The following ME1 variants were observed in gnomAD, a reference collection of about 807,000 sequenced individuals.
ME1 encodes NADP-dependent malic enzyme.
A neutral mutation model predicts 66.4 loss-of-function variants in ME1; 74 were observed. The ratio of observed to expected loss-of-function variants is 1.11; its 90% CI spans 0.92 to 1.35. The LOEUF (loss-of-function observed/expected upper bound fraction) is 1.35, where lower values mean the gene tolerates loss of function less well. Among genes scored for constraint, ME1 ranks in the 40% most tolerant of loss-of-function variants. The pLI is 0.00. For synonymous variants in ME1, 251 were observed against 235.6 expected (o/e 1.07, Z -0.60); for missense variants, 750 against 694.1 (o/e 1.08, Z -0.90).
In ME1 at chr6:83,216,387, T is replaced by A. The variant is rs1345386557; in HGVS notation, c.1548+111A>T. 10 of 779,648 alleles carry A rather than the reference T, an allele frequency of 1.3e-5. No homozygotes were observed. The Admixed American group carries it at 1.9e-4, about 15-fold the overall frequency. The allele number at this position is 779,648 out of a possible 1,614,324, so 48.3% of individuals were successfully genotyped here. On this transcript the variant is annotated intron_variant, in intron 13 of 13. Transcript: ENST00000369705. ...CTCATTTCTCTGACTTCTGACATAG[T>A]AAGTTGATACAGATATACATTTCAA...
intron 6 of ME1, among the ~76,000 whole-genome samples, chr6:83,301,072 G>C (rs1767706246): frequency 6.6e-6 from 1 of 152,110 alleles, no homozygotes; most frequent in Non-Finnish European, 1.5e-5. Context: ...GGGAGGGATA[G>C]CATTAGGAGA....
chr6:83,303,093 T>C lies in ME1; in HGVS notation c.704+12217A>G, dbSNP rs574094324. ...TTTAATAATGAATCTGATCTTGAGA[T>C]AAATGCACAGGACAATAATGGGGTC... On this transcript the variant is annotated intron_variant, in intron 6 of 13. Coordinates refer to ENST00000369705, the MANE Select transcript of ME1 (RefSeq NM_002395.6). Among the ~76,000 whole-genome samples the C allele has an allele frequency of 2.6e-5, 4 of 152,258 alleles. No homozygotes were observed. The East Asian group carries it at 5.8e-4, about 22-fold the overall frequency.
At chr6:83,238,476 C>T (rs1402661339) in intron 8 of ME1, among the ~76,000 whole-genome samples, 1 of 152,058 alleles carries the variant, frequency 6.6e-6, no homozygotes, top group Non-Finnish European at 1.5e-5. Context: ...TGGCCTGTGC[C>T]ATTCATCAAA....
Position 83,231,087 on chromosome 6 carries a change from G to A in ME1, c.1027-2156C>T, listed in dbSNP as rs568490752. Among the ~76,000 whole-genome samples, 7 of 152,212 alleles carry A rather than the reference G, an allele frequency of 4.6e-5. No homozygotes were observed. In the East Asian group the frequency reaches 5.8e-4, roughly 13 times the overall value. On this transcript the variant is annotated intron_variant, in intron 9 of 13. Transcript: ENST00000369705. ...ATGAGTCTAAAGAAGAAAAGCTATA[G>A]AATAAGATAAATTGGAAGTCACAGC...
At chr6:83,311,704 C>T (rs563918439) in intron 6 of ME1, among the ~76,000 whole-genome samples, 3 of 152,044 alleles carry the variant, frequency 2.0e-5, no homozygotes, top group South Asian at 4.2e-4. Context: ...TCAGGAGTGA[C>T]AGAAGAAAAG....
At chr6:83,385,441 C>T (rs567710491) in intron 3 of ME1, among the ~76,000 whole-genome samples, 6 of 151,972 alleles carry the variant, frequency 3.9e-5, no homozygotes, top group African/African-American at 1.2e-4. Context: ...AACACCTGAA[C>T]GTACCACACA....
At chr6:83,260,419 T>C (rs9449601) in intron 6 of ME1, among the ~76,000 whole-genome samples, 17,151 of 152,216 alleles carry the variant, frequency 0.11, 1,091 homozygotes, top group African/African-American at 0.16. Flanking sequence ...TTTGTTGTTG[T>C]TTTTAAACTT....
intron 3 of ME1, among the ~76,000 whole-genome samples, chr6:83,355,784 A>C (rs946510945): frequency 4.6e-5 from 7 of 152,172 alleles, no homozygotes; most frequent in African/African-American, 1.4e-4. Context: ...ACATATATAC[A>C]GTTATAAAAT....
chr6:83,356,044 G>A (rs1768883283), intron 3 of ME1, among the ~76,000 whole-genome samples: 1 of 152,082 alleles, frequency 6.6e-6, no homozygotes, highest in Non-Finnish European at 1.5e-5. Flanking sequence ...AGATTTGGGA[G>A]ATGAGATAAT....
At chr6:83,341,505 G>A (rs1768585077) in intron 5 of ME1, among the ~76,000 whole-genome samples, 1 of 151,854 alleles carries the variant, frequency 6.6e-6, no homozygotes, top group African/African-American at 2.4e-5. Flanking sequence ...TTTAACTCTG[G>A]GTACAGCTAA....
intron 6 of ME1, among the ~76,000 whole-genome samples, chr6:83,297,557 T>C (rs1234911882): frequency 1.3e-5 from 2 of 151,962 alleles, no homozygotes; most frequent in African/African-American, 4.8e-5. Flanking sequence ...GAAATAAGGC[T>C]GAGCACTTAC....
chr6:83,352,013 G>T (rs1583395893), intron 4 of ME1, 51 bp downstream of exon 4: 1 of 1,128,864 alleles, frequency 8.9e-7, no homozygotes, highest in South Asian at 1.4e-5. Context: ...ACTGTTTTAT[G>T]GGACAGAAAA....
chr6:83,390,387 G>C (rs979865979), intron 3 of ME1, among the ~76,000 whole-genome samples: 1 of 151,986 alleles, frequency 6.6e-6, no homozygotes, highest in South Asian at 2.1e-4. Flanking sequence ...TAGTAGATAA[G>C]GTTTACTAGA....
chr6:83,342,872 C>T (rs1417037896), intron 5 of ME1, among the ~76,000 whole-genome samples: 5 of 151,866 alleles, frequency 3.3e-5, no homozygotes, highest in Non-Finnish European at 5.9e-5. Flanking sequence ...TTTTAGTATA[C>T]GGGTTTTCTC....
At chr6:83,238,140 T>C (rs1304567678) in intron 8 of ME1, among the ~76,000 whole-genome samples, 1 of 152,160 alleles carries the variant, frequency 6.6e-6, no homozygotes, top group Non-Finnish European at 1.5e-5. Flanking sequence ...CTCATTGAAC[T>C]GTATTGTTTA....
Position 83,248,942 on chromosome 6 carries a change from T to G in ME1, c.814+4687A>C, listed in dbSNP as rs542380915. Among the ~76,000 whole-genome samples the G allele has an allele frequency of 3.9e-5, 6 of 152,310 alleles. No individual in the cohort carries two copies. The East Asian group carries it at 1.2e-3, about 29-fold the overall frequency. On this transcript the variant is annotated intron_variant, in intron 7 of 13. Transcript: ENST00000369705. ...TTCTTAACACCTGGAAATTTCCAGA[T>G]TATTCCATTTCTGAAATCCTATATT...
chr6:83,407,775 A>G lies in ME1; in HGVS notation c.205T>C (p.Phe69Leu), dbSNP rs1268320289. Reference protein sequence around the residue: ...VKNFEHLNSDFDRYLLLMDLQ... With the variant: ...VKNFEHLNSDLDRYLLLMDLQ... ...CCTTCAGCAATGTGTTACCTGTCAA[A>G]GTCAGAGTTCAGATGCTCGAAATTT... The change falls in exon 2 of 14, where the codon TTT becomes CTT. Residue 69 changes from phenylalanine (F) to leucine (L), a missense_variant. Transcript: ENST00000369705. The G allele has an allele frequency of 6.3e-7, 1 of 1,598,600 alleles. No individual in the cohort carries two copies. Among genetic ancestry groups the G allele is most frequent in the Non-Finnish European group, 8.5e-7 (1 of 1,176,036 alleles).
chr6:83,252,498 G>T (rs192092518), intron 7 of ME1, among the ~76,000 whole-genome samples: 1 of 152,162 alleles, frequency 6.6e-6, no homozygotes, highest in Admixed American at 6.5e-5. Context: ...ACAGAGTTTT[G>T]CCATGTTGCC....
intron 3 of ME1, among the ~76,000 whole-genome samples, chr6:83,363,413 G>C (rs769955137): frequency 6.6e-6 from 1 of 152,206 alleles, no homozygotes; most frequent in Non-Finnish European, 1.5e-5. Context: ...CACAATGGCG[G>C]TAAGGAAGAG....
Sources: allele counts gnomAD v4.1 joint callset (sites outside exome capture counted in the v4.1 genomes callset), GRCh38; gene constraint gnomAD v4.1.1; transcripts MANE v1.5; gene names NCBI Gene and HGNC (gene_info 2026-07-23, HGNC 2026-07-21).